The following TACR1 variants were observed in gnomAD, a reference collection of about 807,000 sequenced individuals.
TACR1 encodes substance-P receptor.
TACR1 carries 25 observed loss-of-function variants against 35.8 expected under a neutral mutation model. The observed-to-expected ratio is 0.70, with a 90% CI of 0.51 to 0.98. TACR1 has a LOEUF of 0.98. TACR1 is among the 50% of genes least tolerant of loss of function. TACR1 has a pLI of 0.00. For synonymous variants in TACR1, 195 were observed against 206.7 expected (o/e 0.94, Z 0.48); for missense variants, 478 against 522.9 (o/e 0.91, Z 0.84).
chr2:75,144,822 T>G (rs546127391), intron 1 of TACR1, among the ~76,000 whole-genome samples: 1 of 152,280 alleles, frequency 6.6e-6, no homozygotes, highest in Non-Finnish European at 1.5e-5. Flanking sequence ...GTGGTAGCAA[T>G]GAATAACAGA....
At chr2:75,066,785 G>T (rs1314787562) in intron 2 of TACR1, among the ~76,000 whole-genome samples, 1 of 152,132 alleles carries the variant, frequency 6.6e-6, no homozygotes, top group East Asian at 1.9e-4. Context: ...TAACAAATTG[G>T]GCAATGCAAT....
At chr2:75,086,160 C>G (rs1042379578) in intron 2 of TACR1, among the ~76,000 whole-genome samples, 4 of 152,152 alleles carry the variant, frequency 2.6e-5, no homozygotes, top group African/African-American at 9.7e-5. Context: ...AATTATTGGT[C>G]TCCTCAAACT....
chr2:75,199,036 C>A lies in TACR1; in HGVS notation c.-102G>T. On this transcript the variant is annotated 5_prime_UTR_variant, in exon 1 of 5. Transcript: ENST00000305249. ...GGCTCAGGGTCCTTCTAAAGCCAGA[C>A]AGGAGGGTGGAAGGCTTTTTCTGGG... The A allele has an allele frequency of 1.4e-6, 2 of 1,438,842 alleles. No individual in the cohort carries two copies. The highest frequency in any genetic ancestry group is 1.9e-6 in the Non-Finnish European group (2 of 1,072,546). 89.1% of individuals were successfully genotyped at this position (1,438,842 alleles called of 1,614,324 possible).
intron 2 of TACR1, among the ~76,000 whole-genome samples, chr2:75,115,240 G>C (rs570186461): frequency 2.0e-5 from 3 of 151,754 alleles, no homozygotes; most frequent in African/African-American, 7.3e-5. Context: ...AAAGATGTTC[G>C]TCCCCACTCC....
At chr2:75,198,369 A>C (rs1676044078) in intron 1 of TACR1, among the ~76,000 whole-genome samples, 177 bp downstream of exon 1, 2 of 152,194 alleles carry the variant, frequency 1.3e-5, no homozygotes, top group South Asian at 4.1e-4. Flanking sequence ...AGAGGAAAAA[A>C]AGTTGAAATA....
chr2:75,053,571 C>A, intron 3 of TACR1, 34 bp downstream of exon 3: 1 of 1,486,564 alleles, frequency 6.7e-7, no homozygotes, highest in Non-Finnish European at 8.9e-7. Flanking sequence ...TTGTCTGTGC[C>A]AGGGTGGGTT....
intron 1 of TACR1, among the ~76,000 whole-genome samples, chr2:75,172,642 A>G (rs902348834): frequency 5.3e-5 from 8 of 152,124 alleles, no homozygotes; most frequent in Non-Finnish European, 8.8e-5. Context: ...AAGAGAATGG[A>G]ACGAATATAT....
chr2:75,061,123 C>T (rs10201965), intron 2 of TACR1, among the ~76,000 whole-genome samples: 3,851 of 150,764 alleles, frequency 0.026, 174 homozygotes, highest in African/African-American at 0.088. Flanking sequence ...AGAAGACAAG[C>T]GGATGCAAGA....
intron 1 of TACR1, among the ~76,000 whole-genome samples, chr2:75,157,591 G>C (rs953763712): frequency 2.6e-5 from 4 of 152,176 alleles, no homozygotes; most frequent in Non-Finnish European, 5.9e-5. Flanking sequence ...CCAGGACTGT[G>C]ACAAATACTC....
chr2:75,066,638 C>T (rs917917027), intron 2 of TACR1, among the ~76,000 whole-genome samples: 1 of 152,146 alleles, frequency 6.6e-6, no homozygotes, highest in African/African-American at 2.4e-5. Context: ...AACCCTGAGC[C>T]CAGAGAGACT....
chr2:75,191,077 T>C (rs1675832695), intron 1 of TACR1, among the ~76,000 whole-genome samples: 1 of 152,196 alleles, frequency 6.6e-6, no homozygotes. Context: ...TCTTTGGTGC[T>C]CCTCATCCAG....
chr2:75,184,758 A>G (rs534337080), intron 1 of TACR1, among the ~76,000 whole-genome samples: 1 of 151,526 alleles, frequency 6.6e-6, no homozygotes, highest in Non-Finnish European at 1.5e-5. Flanking sequence ...ATTAGGTTCT[A>G]TATTATGTAT....
chr2:75,089,285 T>C lies in TACR1; in HGVS notation c.584+31289A>G, dbSNP rs74665565. Among the ~76,000 whole-genome samples, 1,495 of 152,298 alleles carry C rather than the reference T, an allele frequency of 9.8e-3. 26 individuals carry two copies. Among genetic ancestry groups the C allele is most frequent in the African/African-American group, 0.035 (1,438 of 41,566 alleles). ...TCTTCTAGCTCTCCCTTCAAAGATA[T>C]ACCAAGAAGAATAGCACTTCTCACC... On this transcript the variant is annotated intron_variant, in intron 2 of 4. Coordinates refer to ENST00000305249, the MANE Select transcript of TACR1 (RefSeq NM_001058.4).
intron 1 of TACR1, among the ~76,000 whole-genome samples, chr2:75,153,131 G>A (rs1425722482): frequency 6.6e-6 from 1 of 152,162 alleles, no homozygotes; most frequent in Non-Finnish European, 1.5e-5. Context: ...TTGAACTCCT[G>A]ACTTTGTGAT....
intron 1 of TACR1, among the ~76,000 whole-genome samples, chr2:75,163,873 TGTTA>T (rs1675072482): frequency 6.6e-6 from 1 of 152,214 alleles, no homozygotes; most frequent in East Asian, 1.9e-4. Context: ...AGTTTCTTCA[TGTTA>T]GTTAACCAGT....
intron 2 of TACR1, among the ~76,000 whole-genome samples, chr2:75,088,144 T>C (rs896733519): frequency 6.6e-6 from 1 of 152,206 alleles, no homozygotes; most frequent in Non-Finnish European, 1.5e-5. Flanking sequence ...ATGTAGCCAG[T>C]GATGCTTTGC....
intron 2 of TACR1, among the ~76,000 whole-genome samples, chr2:75,076,635 C>G (rs184802281): frequency 7.2e-5 from 11 of 152,212 alleles, no homozygotes; most frequent in Admixed American, 7.2e-4. Flanking sequence ...AAAAGATGAA[C>G]TGGGAAATGC....
At chr2:75,142,962 G>A (rs1431119566) in intron 1 of TACR1, among the ~76,000 whole-genome samples, 1 of 152,172 alleles carries the variant, frequency 6.6e-6, no homozygotes, top group East Asian at 1.9e-4. Flanking sequence ...ACTTTGCTCT[G>A]GGTGCAGGGT....
At chr2:75,185,406 A>T (rs1289523101) in intron 1 of TACR1, among the ~76,000 whole-genome samples, 1 of 152,072 alleles carries the variant, frequency 6.6e-6, no homozygotes, top group Non-Finnish European at 1.5e-5. Flanking sequence ...TAAAATAATC[A>T]CTGAAAAAGA....
Sources: allele counts gnomAD v4.1 joint callset (sites outside exome capture counted in the v4.1 genomes callset), GRCh38; gene constraint gnomAD v4.1.1; transcripts MANE v1.5; gene names NCBI Gene and HGNC (gene_info 2026-07-23, HGNC 2026-07-21).